The following SMYD3 variants were observed in gnomAD, a reference collection of about 807,000 sequenced individuals.
SMYD3 encodes the protein SET and MYND domain containing 3.
A neutral mutation model predicts 57.7 loss-of-function variants in SMYD3; 36 were observed. The observed-to-expected ratio is 0.62, with a 90% CI of 0.48 to 0.82. The LOEUF (loss-of-function observed/expected upper bound fraction) is 0.82. SMYD3 is among the 40% of genes least tolerant of loss of function. SMYD3 has a pLI of 0.00. For missense variants in SMYD3, 515 were observed against 538.8 expected, an observed-to-expected ratio of 0.96 and a Z score of 0.44; for synonymous variants, 211 against 195.0, an observed-to-expected ratio of 1.08 and a Z score of -0.68.
At chr1:246,230,160 T>C (rs765528575) in intron 5 of SMYD3, among the ~76,000 whole-genome samples, 1 of 152,236 alleles carries the variant, frequency 6.6e-6, no homozygotes, top group Non-Finnish European at 1.5e-5. Context: ...CCTAAAGCCA[T>C]GACCTGGTTT....
chr1:246,315,079 C>T (rs551142502), intron 5 of SMYD3, among the ~76,000 whole-genome samples: 1 of 152,294 alleles, frequency 6.6e-6, no homozygotes, highest in Non-Finnish European at 1.5e-5. Flanking sequence ...TTCCCCCTCT[C>T]TAAGCCACAA....
intron 5 of SMYD3, among the ~76,000 whole-genome samples, chr1:246,084,392 T>G (rs1455635100): frequency 6.6e-6 from 1 of 151,974 alleles, no homozygotes; most frequent in East Asian, 1.9e-4. Context: ...TTTTTTGTAT[T>G]TTTTGTAGAG....
chr1:246,279,175 C>G (rs1451872777), intron 5 of SMYD3, among the ~76,000 whole-genome samples: 3 of 152,166 alleles, frequency 2.0e-5, no homozygotes, highest in Non-Finnish European at 4.4e-5. Context: ...CTAAGTGGCC[C>G]CAGTGGACAT....
chr1:246,056,791 A>G (rs1410308670), intron 5 of SMYD3, among the ~76,000 whole-genome samples: 1 of 152,176 alleles, frequency 6.6e-6, no homozygotes, highest in Non-Finnish European at 1.5e-5. Context: ...AGGACATAAA[A>G]TGTGTGGAAA....
At chr1:245,751,590 GAGAA>G (rs1292554183) in intron 11 of SMYD3, among the ~76,000 whole-genome samples, 1 of 57,010 alleles carries the variant, frequency 1.8e-5, no homozygotes, top group Non-Finnish European at 2.8e-5. Flanking sequence ...GAGAGAGAGA[GAGAA>G]AGAGAGAGAG....
chr1:245,803,884 C>G (rs1029206949), intron 10 of SMYD3, among the ~76,000 whole-genome samples: 1 of 151,776 alleles, frequency 6.6e-6, no homozygotes, highest in Non-Finnish European at 1.5e-5. Context: ...GGCCAGATAT[C>G]CCTGGACTTT....
At chr1:246,475,837 A>C (rs1009796698) in intron 1 of SMYD3, among the ~76,000 whole-genome samples, 10 of 151,996 alleles carry the variant, frequency 6.6e-5, no homozygotes, top group African/African-American at 2.2e-4. Context: ...CTGATCTCAA[A>C]CTCCTGAGCT....
At chr1:245,961,964 G>T (rs776127634) in intron 5 of SMYD3, among the ~76,000 whole-genome samples, 1 of 152,118 alleles carries the variant, frequency 6.6e-6, no homozygotes, top group South Asian at 2.1e-4. Flanking sequence ...TGATTTCCAC[G>T]GTAACCCTGT....
At chr1:245,954,445 G>A (rs149265018) in intron 5 of SMYD3, among the ~76,000 whole-genome samples, 139 of 152,272 alleles carry the variant, frequency 9.1e-4, no homozygotes, top group Middle Eastern at 3.4e-3. Flanking sequence ...AGACTGAGGC[G>A]GGCAGATTAC....
chr1:246,028,405 A>G (rs950493076), intron 5 of SMYD3, among the ~76,000 whole-genome samples: 5 of 152,234 alleles, frequency 3.3e-5, no homozygotes, highest in Admixed American at 2.0e-4. Context: ...TGCAAGATAC[A>G]AAATCAATAT....
chr1:245,934,867 G>A (rs935234716), intron 5 of SMYD3, among the ~76,000 whole-genome samples: 14 of 152,044 alleles, frequency 9.2e-5, no homozygotes, highest in East Asian at 5.8e-4. Flanking sequence ...GTAAGGTTGC[G>A]GGGACAAAGG....
chr1:246,076,525 T>C (rs1364922390), intron 5 of SMYD3, among the ~76,000 whole-genome samples: 3 of 152,196 alleles, frequency 2.0e-5, no homozygotes, highest in Non-Finnish European at 4.4e-5. Context: ...TAGACTTAAC[T>C]ATATAGTCAA....
chr1:245,967,362 C>T (rs2058182164), intron 5 of SMYD3, among the ~76,000 whole-genome samples: 1 of 152,112 alleles, frequency 6.6e-6, no homozygotes, highest in African/African-American at 2.4e-5. Flanking sequence ...GTTCAATATC[C>T]TAAATTCAAA....
chr1:246,076,746 A>G (rs2060556261), intron 5 of SMYD3, among the ~76,000 whole-genome samples: 1 of 151,794 alleles, frequency 6.6e-6, no homozygotes, highest in Non-Finnish European at 1.5e-5. Flanking sequence ...AAAAAAAATG[A>G]AAAAAAATGC....
chr1:246,404,647 G>A (rs79781602), intron 1 of SMYD3, among the ~76,000 whole-genome samples: 4,418 of 152,218 alleles, frequency 0.029, 105 homozygotes, highest in Non-Finnish European at 0.043. Flanking sequence ...TGATCTCTGC[G>A]TCCTCTTTAC....
At chr1:246,270,442 G>A (rs1326563414) in intron 5 of SMYD3, among the ~76,000 whole-genome samples, 1 of 152,144 alleles carries the variant, frequency 6.6e-6, no homozygotes, top group Non-Finnish European at 1.5e-5. Flanking sequence ...TTGCAGAACT[G>A]AAACTCTAAA....
chr1:245,885,075 A>G (rs1433968826), intron 8 of SMYD3, among the ~76,000 whole-genome samples: 1 of 152,096 alleles, frequency 6.6e-6, no homozygotes, highest in Non-Finnish European at 1.5e-5. Flanking sequence ...CCACACACCC[A>G]CTGGGAAGAA....
At chr1:246,080,211 G>T (rs12064064) in intron 5 of SMYD3, among the ~76,000 whole-genome samples, 1 of 152,086 alleles carries the variant, frequency 6.6e-6, no homozygotes, top group Non-Finnish European at 1.5e-5. Flanking sequence ...TAGGAACTGG[G>T]TCACACGGCA....
At chr1:246,088,405 C>A (rs1045225999) in intron 5 of SMYD3, among the ~76,000 whole-genome samples, 5 of 150,734 alleles carry the variant, frequency 3.3e-5, no homozygotes, top group African/African-American at 1.2e-4. Flanking sequence ...GTCAGGAGAT[C>A]GAGACCATCC....
Sources: gnomAD v4.1 joint callset for allele counts (sites outside exome capture counted in the v4.1 genomes callset) on GRCh38, gnomAD v4.1.1 for gene constraint, MANE v1.5 for transcripts, NCBI Gene and HGNC (gene_info 2026-07-23, HGNC 2026-07-21) for gene names.